MAP4K4: variants seen among roughly 807,000 people sequenced by gnomAD.
The protein encoded by MAP4K4 is mitogen-activated protein kinase kinase kinase kinase 4.
MAP4K4 carries 38 observed loss-of-function variants against 189.6 expected under a neutral mutation model. The ratio of observed to expected loss-of-function variants is 0.20; its 90% CI spans 0.15 to 0.26. The LOEUF (loss-of-function observed/expected upper bound fraction) is 0.26. MAP4K4 is among the 10% of genes least tolerant of loss of function. MAP4K4 has a pLI of 1.00. For missense variants in MAP4K4, 1,054 were observed against 1,726.9 expected (o/e 0.61, Z 6.91); for synonymous variants, 610 against 624.3 (o/e 0.98, Z 0.34).
At chr2:101,699,135 A>G (rs558888282) in intron 2 of MAP4K4, among the ~76,000 whole-genome samples, 1 of 152,334 alleles carries the variant, frequency 6.6e-6, no homozygotes, top group African/African-American at 2.4e-5. Context: ...GGGATTATAA[A>G]ATCTGAATTC....
intron 2 of MAP4K4, among the ~76,000 whole-genome samples, chr2:101,722,976 C>T (rs911739069): frequency 4.6e-5 from 7 of 152,186 alleles, no homozygotes; most frequent in African/African-American, 1.7e-4. Context: ...ACTCACAGTT[C>T]CACATGGCTG....
At chr2:101,883,999 T>C (rs2098446336) in intron 28 of MAP4K4, among the ~76,000 whole-genome samples, 1 of 152,178 alleles carries the variant, frequency 6.6e-6, no homozygotes. Context: ...AAACAGCTCA[T>C]AACAGATGAA....
At chr2:101,837,973 C>G (rs779625867) in intron 9 of MAP4K4, among the ~76,000 whole-genome samples, 2 of 152,186 alleles carry the variant, frequency 1.3e-5, no homozygotes, top group Non-Finnish European at 2.9e-5. Flanking sequence ...CCCAAGTGTT[C>G]TAAAAGGATG....
At chr2:101,794,250 T>C (rs541165894) in intron 3 of MAP4K4, among the ~76,000 whole-genome samples, 2 of 152,330 alleles carry the variant, frequency 1.3e-5, no homozygotes, top group South Asian at 2.1e-4. Flanking sequence ...AGGTCTCATG[T>C]ACCGTTCATT....
At chr2:101,742,356 T>C (rs1018182871) in intron 2 of MAP4K4, among the ~76,000 whole-genome samples, 1 of 152,190 alleles carries the variant, frequency 6.6e-6, no homozygotes, top group Non-Finnish European at 1.5e-5. Flanking sequence ...TTGTCTTCAG[T>C]GGCCTCTTAG....
chr2:101,793,860 G>T (rs945463730), intron 3 of MAP4K4, among the ~76,000 whole-genome samples: 2 of 152,104 alleles, frequency 1.3e-5, no homozygotes, highest in African/African-American at 4.8e-5. Context: ...CACTTCACTT[G>T]CTTTACTTGA....
chr2:101,817,597 G>T (rs979073353), intron 3 of MAP4K4, among the ~76,000 whole-genome samples: 1 of 152,206 alleles, frequency 6.6e-6, no homozygotes, highest in Non-Finnish European at 1.5e-5. Flanking sequence ...GATTCAGCAG[G>T]TGGCACTTTG....
intron 2 of MAP4K4, among the ~76,000 whole-genome samples, chr2:101,773,863 C>T (rs1007018755): frequency 3.3e-5 from 5 of 152,136 alleles, no homozygotes; most frequent in Non-Finnish European, 4.4e-5. Flanking sequence ...TGGCTTCTTT[C>T]GCTTAACATA....
intron 2 of MAP4K4, among the ~76,000 whole-genome samples, chr2:101,775,220 C>T (rs988494426): frequency 2.0e-5 from 3 of 151,820 alleles, no homozygotes; most frequent in Admixed American, 6.6e-5. Context: ...GGACAGCTGG[C>T]CTATATCCAC....
chr2:101,707,239 C>G (rs991792503), intron 2 of MAP4K4, among the ~76,000 whole-genome samples: 1 of 141,084 alleles, frequency 7.1e-6, no homozygotes, highest in Admixed American at 7.4e-5. Context: ...TTGAGACAGT[C>G]TCACTGTTGC....
intron 7 of MAP4K4, among the ~76,000 whole-genome samples, chr2:101,833,892 C>G (rs1322125610): frequency 6.6e-6 from 1 of 152,218 alleles, no homozygotes; most frequent in Non-Finnish European, 1.5e-5. Flanking sequence ...ATTAGTGAAC[C>G]ACATTAGGTT....
At chr2:101,833,534 G>T (rs1266514845) in intron 7 of MAP4K4, among the ~76,000 whole-genome samples, 1 of 151,806 alleles carries the variant, frequency 6.6e-6, no homozygotes, top group Non-Finnish European at 1.5e-5. Flanking sequence ...GCAGGAGAAT[G>T]GCGTGAACCC....
At chr2:101,704,798 A>G (rs988004134) in intron 2 of MAP4K4, among the ~76,000 whole-genome samples, 2 of 151,544 alleles carry the variant, frequency 1.3e-5, no homozygotes, top group Non-Finnish European at 2.9e-5. Flanking sequence ...GTCAGGGTAA[A>G]GTTTTTAGAC....
At chr2:101,737,426 GATATATATATATATATATAT>G (rs59942464) in intron 2 of MAP4K4, among the ~76,000 whole-genome samples, 62 of 29,982 alleles carry the variant, frequency 2.1e-3, no homozygotes, top group African/African-American at 8.8e-3. Flanking sequence ...CCTATTGTGA[GATATATATATATATATATAT>G]ATATATATAT....
At chr2:101,771,664 A>T (rs192620538) in intron 2 of MAP4K4, among the ~76,000 whole-genome samples, 2 of 152,160 alleles carry the variant, frequency 1.3e-5, no homozygotes, top group Admixed American at 1.3e-4. Context: ...AGGCCGCGCA[A>T]TGTGCAGACA....
intron 2 of MAP4K4, among the ~76,000 whole-genome samples, chr2:101,766,923 G>C (rs774111179): frequency 1.3e-5 from 2 of 152,070 alleles, no homozygotes; most frequent in Non-Finnish European, 2.9e-5. Context: ...GGGTGGGAGC[G>C]GGCTCTAGCA....
chr2:101,703,602 A>AGCC, intron 2 of MAP4K4, among the ~76,000 whole-genome samples: 1 of 138,042 alleles, frequency 7.2e-6, no homozygotes, highest in South Asian at 2.5e-4. Context: ...TGGGCAACAG[A>AGCC]ATGAGACTCT....
chr2:101,863,306 A>G (rs2097718578), intron 16 of MAP4K4, among the ~76,000 whole-genome samples: 1 of 152,234 alleles, frequency 6.6e-6, no homozygotes. Context: ...TTATAGTCTC[A>G]AAACGTGGGG....
chr2:101,875,783 G>A (rs962175104), intron 26 of MAP4K4, among the ~76,000 whole-genome samples: 9 of 152,168 alleles, frequency 5.9e-5, no homozygotes, highest in Non-Finnish European at 1.3e-4. Flanking sequence ...AGAGCATTTG[G>A]GGAAATACAT....
Sources: allele counts gnomAD v4.1 joint callset (sites outside exome capture counted in the v4.1 genomes callset), GRCh38; gene constraint gnomAD v4.1.1; transcripts MANE v1.5; gene names NCBI Gene and HGNC (gene_info 2026-07-23, HGNC 2026-07-21).